Variants in MSH5 observed in about 807,000 individuals in gnomAD.
MSH5 encodes the protein mutS protein homolog 5.
In MSH5, 78 loss-of-function variants were observed where a neutral mutation model predicts 107.7. That is an observed-to-expected ratio of 0.72 (90% CI 0.60 to 0.87). The LOEUF is 0.87. MSH5 is among the 40% of genes least tolerant of loss of function. MSH5 has a pLI of 0.00. For synonymous variants in MSH5, 326 were observed against 399.5 expected (o/e 0.82, Z 2.19); for missense variants, 889 against 1,046.6 (o/e 0.85, Z 2.08).
At position 31,760,043 on chromosome 6, in the gene MSH5, C is replaced by T. The variant is rs1021407426; in HGVS notation, c.1686-47C>T. 5.6e-6 allele frequency: 9 copies of T among 1,606,756 alleles called. 1 individual carries two copies. In the African/African-American group the frequency reaches 9.4e-5, roughly 17 times the overall value. ...AAGGCTACATCTTCTGGGGGTTCAT[C>T]TATCTTGATCCACAAGCCATGCGAG... On this transcript the variant is annotated intron_variant, in intron 18 of 24. Transcript: ENST00000375750. This position sits in a 1 kb window ranked among gnomAD's most constrained non-coding sequence, Gnocchi z 5.6.
At chr6:31,754,960 G>T (rs1810314537) in intron 12 of MSH5, among the ~76,000 whole-genome samples, 1 of 151,922 alleles carries the variant, frequency 6.6e-6, no homozygotes, top group Non-Finnish European at 1.5e-5. Context: ...CACCATGTTG[G>T]CCAGGATGGT....
Position 31,753,280 on chromosome 6 carries a change from C to G in MSH5, c.813-21C>G, listed in dbSNP as rs374706930. 22 of 1,582,590 alleles carry G rather than the reference C, an allele frequency of 1.4e-5. 1 individual carries two copies. The South Asian group carries it at 2.1e-4, about 15-fold the overall frequency. On this transcript the variant is annotated intron_variant, in intron 10 of 24. Transcript: ENST00000375750. ...TGATAGATGTAACTTGTAGTACCCC[C>G]ACCCAAACCCTCACTTCCAGGCTAT...
chr6:31,745,103 CAAA>C (rs9279403), intron 8 of MSH5, 131 bp from the exon 9 acceptor site: 90,874 of 344,392 alleles, frequency 0.26, 5,086 homozygotes, highest in African/African-American at 0.51. Context: ...GACTCCATCT[CAAA>C]AAAAAAAAAA....
Position 31,742,976 on chromosome 6 carries a change from A to T in MSH5, c.352+19A>T. ...AAGCTTGGTAAGGACTTGGTAAAGG[A>T]TAGAGGGAAAATGGGGAAGGACTAA... On this transcript the variant is annotated intron_variant, in intron 4 of 24. Coordinates refer to ENST00000375750, the MANE Select transcript of MSH5 (RefSeq NM_172166.4). The T allele has an allele frequency of 3.1e-6, 5 of 1,612,762 alleles. No homozygotes were observed. The East Asian group carries it at 1.1e-4, about 36-fold the overall frequency.
chr6:31,743,022 G>T, intron 4 of MSH5, 65 bp downstream of exon 4: 1 of 1,608,272 alleles, frequency 6.2e-7, no homozygotes, highest in Non-Finnish European at 8.5e-7. Context: ...ATTCCAGGGG[G>T]CTAGAATTGG....
Position 31,761,043 on chromosome 6 carries a change from G to A in MSH5, c.1963-145G>A, listed in dbSNP as rs1411375319. 6 of 997,068 alleles carry A rather than the reference G, an allele frequency of 6.0e-6. No individual in the cohort carries two copies. Among genetic ancestry groups the A allele is most frequent in the Admixed American group, 2.5e-5 (1 of 40,148 alleles). 61.8% of individuals were successfully genotyped at this position (997,068 alleles called of 1,614,324 possible). A position where few individuals can be genotyped will look rare whatever the true frequency, so the allele number is the denominator to read the frequency against. ...CATGTGAGTCACTGTTGGCAAAGAG[G>A]ATGAACAAAGCGTGCACCTCACCAT... On this transcript the variant is annotated intron_variant, in intron 20 of 24. Transcript: ENST00000375750. The surrounding 1 kb of genome is among the most constrained non-coding windows in gnomAD (Gnocchi z 5.3).
rs1562244520 is a variant in MSH5, at chr6:31,758,623, G to A, written c.1216+3G>A. The A allele has an allele frequency of 2.5e-6, 4 of 1,613,952 alleles. No homozygotes were observed. Among genetic ancestry groups the A allele is most frequent in the Non-Finnish European group, 3.4e-6 (4 of 1,180,038 alleles). ...CATAGATCCTGAAATTGATGAGAGT[G>A]AGTGTTGGGTGTGGATGGGCCTGTG... On this transcript the variant is annotated splice_donor_region_variant and intron_variant, in intron 14 of 24. Coordinates refer to ENST00000375750, the MANE Select transcript of MSH5 (RefSeq NM_172166.4). This position sits in a 1 kb window ranked among gnomAD's most constrained non-coding sequence, Gnocchi z 5.1.
chr6:31,745,677 C>T (rs3828922), intron 9 of MSH5, among the ~76,000 whole-genome samples: 32,256 of 151,290 alleles, frequency 0.21, 3,789 homozygotes, highest in African/African-American at 0.28. Context: ...TGTATAGAGT[C>T]TTTATCAGTT....
In MSH5 at chr6:31,760,116, G is replaced by A. The variant is rs757728679; in HGVS notation, c.1712G>A (p.Arg571Gln). 1.3e-5 allele frequency: 21 copies of A among 1,606,176 alleles called. No individual in the cohort carries two copies. Among genetic ancestry groups the A allele is most frequent in the South Asian group, 3.4e-5 (3 of 89,520 alleles). ...GRHPLMELCA[R>Q]TFVPNSTECG... ...CATCCTCTGATGGAACTCTGTGCCCGAACCTTTGTGCCCAACTCCACAGAA... is the reference window on the plus strand; with the variant it reads ...CATCCTCTGATGGAACTCTGTGCCCAAACCTTTGTGCCCAACTCCACAGAA... Residue 571 changes from arginine (R) to glutamine (Q), a missense_variant, in exon 19 of 25, where the codon CGA (arginine) becomes CAA (glutamine). By Grantham distance (43) the Arg-to-Gln change is conservative. This residue lies in a region of MSH5 where 362 missense variants were observed against 456.2 expected (regional missense o/e 0.79). Coordinates refer to ENST00000375750, the MANE Select transcript of MSH5 (RefSeq NM_172166.4). The surrounding 1 kb of genome is among the most constrained non-coding windows in gnomAD (Gnocchi z 5.6).
rs1400792271 is a variant in MSH5, at chr6:31,747,394, C to T, written c.774C>T (p.Leu258=). The T allele has an allele frequency of 3.7e-6, 6 of 1,612,970 alleles. No individual in the cohort carries two copies. Among genetic ancestry groups the T allele is most frequent in the Non-Finnish European group, 3.4e-6 (4 of 1,180,024 alleles). The change falls in exon 10 of 25, where the codon CTC becomes CTT. Residue 258 remains leucine, a synonymous_variant. Coordinates refer to ENST00000375750, the MANE Select transcript of MSH5 (RefSeq NM_172166.4). ...LKEGLSLFGI[L]NRCHCKWGEK... ...CTGCCTTATCCCTCACAGGAATCCT[C>T]AACAGATGCCACTGTAAGTGGGGAG...
chr6:31,751,322 T>TA (rs908180383), intron 10 of MSH5, among the ~76,000 whole-genome samples: 9 of 151,424 alleles, frequency 5.9e-5, no homozygotes, highest in African/African-American at 2.2e-4. Context: ...TATTAGGAAA[T>TA]ACCTCCAACA....
chr6:31,740,484 GA>G lies in MSH5; in HGVS notation c.20del (p.Asn7ThrfsTer104). On this transcript the variant is annotated frameshift_variant, in exon 2 of 25. Transcript: ENST00000375750. LOFTEE classifies it high-confidence loss of function. This position sits in a 1 kb window ranked among gnomAD's most constrained non-coding sequence, Gnocchi z 4.4. MASLGA[N>X]PRRTPQGPRP... ...CCAAGCTCATGGCCTCCTTAGGAGC[GA>G]ACCCAAGGAGGACACCGCAGGGACC... 6.4e-7 allele frequency: 1 copy of G among 1,567,456 alleles called. No individual in the cohort carries two copies. Among genetic ancestry groups the G allele is most frequent in the Non-Finnish European group, 8.7e-7 (1 of 1,155,764 alleles).
intron 8 of MSH5, 38 bp from the exon 9 acceptor site, chr6:31,745,199 T>A: frequency 7.5e-7 from 1 of 1,334,974 alleles, no homozygotes; most frequent in East Asian, 2.3e-5. Flanking sequence ...CCTTCAAAAG[T>A]CCAAGTTACC....
In MSH5 at chr6:31,762,134, G is replaced by C. The variant is rs1413060919; in HGVS notation, c.2342G>C (p.Gly781Ala). Reference sequence around the variant, plus strand: ...TAGGTCTCAGACTTGATCCGCAGTGGAAAACCCATCAAGCCTGTCAAGGAT... The same window carrying C: ...TAGGTCTCAGACTTGATCCGCAGTGCAAAACCCATCAAGCCTGTCAAGGAT... ...GKEVSDLIRS[G>A]KPIKPVKDLL... The change falls in exon 24 of 25, where the codon GGA becomes GCA. Residue 781 changes from glycine (G) to alanine (A), a missense_variant. Transcript: ENST00000375750. 6.2e-7 allele frequency: 1 copy of C among 1,614,136 alleles called. No individual in the cohort carries two copies. The highest frequency in any genetic ancestry group is 8.5e-7 in the Non-Finnish European group (1 of 1,180,032).
At chr6:31,744,081 A>G in intron 6 of MSH5, 56 bp downstream of exon 6, 2 of 1,610,152 alleles carry the variant, frequency 1.2e-6, no homozygotes, top group Non-Finnish European at 1.7e-6. Context: ...CTAGGGCTGA[A>G]TTCTGGGAGG....
chr6:31,744,663 A>G (rs1186605484), intron 8 of MSH5, 82 bp downstream of exon 8: 1 of 1,463,690 alleles, frequency 6.8e-7, no homozygotes, highest in Non-Finnish European at 9.6e-7. Context: ...ATGAGGCTCT[A>G]GTTTCCCTAA....
Position 31,744,013 on chromosome 6 carries a change from C to G in MSH5, c.525C>G (p.Asp175Glu). The change falls in exon 6 of 25, where the codon GAC becomes GAG. Residue 175 changes from aspartate (D) to glutamate (E), a missense_variant. Asp to Glu is a conservative substitution (Grantham distance 45). Coordinates refer to ENST00000375750, the MANE Select transcript of MSH5 (RefSeq NM_172166.4). ...ILFLSSIIPF[D>E]CLLTVRALGG... ...TCCTCTCTTCCATTATTCCCTTTGA[C>G]TGCCTCCTCACAGTGAGATTGGTCC... is the stretch of plus-strand genomic sequence containing the variant. The G allele has an allele frequency of 3.1e-6, 5 of 1,614,176 alleles. No homozygotes were observed. The highest frequency in any genetic ancestry group is 4.2e-6 in the Non-Finnish European group (5 of 1,180,034).
Position 31,758,285 on chromosome 6 carries a change from G to A in MSH5, c.1135G>A (p.Gly379Arg). Reference sequence around the variant, plus strand: ...CCTGCACCATATCGCCAGCCTCATTGGGAAAGTAGTGAGTAGAAGGAAAAA... The same window carrying A: ...CCTGCACCATATCGCCAGCCTCATTAGGAAAGTAGTGAGTAGAAGGAAAAA... The part of the protein sequence containing the change: ...DDLHHIASLI[G>R]KVVDFEGSLA... The change falls in exon 13 of 25, where the codon GGG becomes AGG. Residue 379 changes from glycine (G) to arginine (R), a missense_variant. Coordinates refer to ENST00000375750, the MANE Select transcript of MSH5 (RefSeq NM_172166.4). The surrounding 1 kb of genome is among the most constrained non-coding windows in gnomAD (Gnocchi z 5.1). 2 of 1,612,886 alleles carry A rather than the reference G, an allele frequency of 1.2e-6. No homozygotes were observed. Among genetic ancestry groups the A allele is most frequent in the Non-Finnish European group, 1.7e-6 (2 of 1,179,988 alleles).
chr6:31,743,288 C>A, intron 5 of MSH5, 118 bp downstream of exon 5: 3 of 1,060,966 alleles, frequency 2.8e-6, no homozygotes, highest in Non-Finnish European at 4.4e-6. Context: ...AACCTTTGTG[C>A]TCCTCATGCC....
Sources: allele counts gnomAD v4.1 joint callset (sites outside exome capture counted in the v4.1 genomes callset), GRCh38; gene constraint gnomAD v4.1.1; regional missense constraint gnomAD v4.1.1; non-coding constraint Gnocchi (gnomAD v3.1); transcripts MANE v1.5; gene names NCBI Gene and HGNC (gene_info 2026-07-23, HGNC 2026-07-21).